SNRPA: variants seen among roughly 807,000 people sequenced by gnomAD.
SNRPA encodes small nuclear ribonucleoprotein polypeptide A, also known as U1 small nuclear ribonucleoprotein A.
A neutral mutation model predicts 24.5 loss-of-function variants in SNRPA; 10 were observed. The ratio of observed to expected loss-of-function variants is 0.41; its 90% CI spans 0.25 to 0.69. The LOEUF is 0.69. Among genes scored for constraint, SNRPA ranks in the 30% least tolerant of loss-of-function variants. The probability of loss-of-function intolerance (pLI) is 0.33; values close to 1 mark genes in which losing one functional copy is unlikely to be tolerated. For missense variants in SNRPA, 283 were observed against 394.7 expected, an observed-to-expected ratio of 0.72 and a Z score of 2.40; for synonymous variants, 165 against 148.4, an observed-to-expected ratio of 1.11 and a Z score of -0.81.
At chr19:40,758,656 C>T (rs2082918416) in intron 2 of SNRPA, 1 of 152,168 alleles carries the variant, frequency 6.6e-6, no homozygotes, top group Admixed American at 6.6e-5. Context: ...CCCCATTTTT[C>T]AGACAAGGAA....
intron 1 of SNRPA, among the ~76,000 whole-genome samples, chr19:40,754,168 A>G (rs1378921418): frequency 1.4e-5 from 2 of 142,320 alleles, no homozygotes; most frequent in African/African-American, 5.2e-5. Context: ...CAGTGGTGCG[A>G]TCTCAGCTCA....
chr19:40,751,457 CTCAATGAGAAGA>C lies in SNRPA; in HGVS notation c.54_65del (p.Asn18_Ile21del). ...TAACCACACTATTTATATCAACAAC[CTCAATGAGAAGA>C]TCAAGAAGGATGGTGAGTTCTCGGG... On this transcript the variant is annotated inframe_deletion, in exon 1 of 6. Coordinates refer to ENST00000243563, the MANE Select transcript of SNRPA (RefSeq NM_004596.5). The C allele has an allele frequency of 1.2e-6, 2 of 1,613,464 alleles. No individual in the cohort carries two copies.
intron 1 of SNRPA, among the ~76,000 whole-genome samples, chr19:40,754,409 G>C (rs1471198753): frequency 6.6e-6 from 1 of 152,072 alleles, no homozygotes; most frequent in African/African-American, 2.4e-5. Flanking sequence ...CAGAACCCTG[G>C]TTCTTTAGGA....
chr19:40,763,130 A>G, intron 4 of SNRPA, 56 bp downstream of exon 4: 34 of 1,374,256 alleles, frequency 2.5e-5, no homozygotes, highest in Non-Finnish European at 3.4e-5. Flanking sequence ...ATACAGGACT[A>G]GAAAGGGACC....
chr19:40,763,211 A>T, intron 4 of SNRPA, 137 bp downstream of exon 4: 1 of 654,638 alleles, frequency 1.5e-6, no homozygotes, highest in South Asian at 1.9e-5. Flanking sequence ...ATGAGGAAGT[A>T]GCAGTGGGGG....
chr19:40,756,815 TG>T (rs1385144383), intron 1 of SNRPA, among the ~76,000 whole-genome samples: 1 of 152,134 alleles, frequency 6.6e-6, no homozygotes, highest in Non-Finnish European at 1.5e-5. Flanking sequence ...CCTCTGAGAC[TG>T]GGTGACTAGA....
intron 1 of SNRPA, among the ~76,000 whole-genome samples, chr19:40,756,544 C>T (rs541711876): frequency 1.3e-5 from 2 of 149,264 alleles, no homozygotes; most frequent in South Asian, 4.2e-4. Flanking sequence ...TACGGTGAGC[C>T]ATGATCATGC....
intron 1 of SNRPA, chr19:40,756,955 T>G: frequency 4.1e-6 from 1 of 242,474 alleles, no homozygotes; most frequent in Non-Finnish European, 8.2e-6. Context: ...AGGAGGGCGG[T>G]GGAATGTGGG....
chr19:40,759,767 G>A (rs2082924026), intron 3 of SNRPA, 157 bp downstream of exon 3: 2 of 614,810 alleles, frequency 3.3e-6, no homozygotes, highest in African/African-American at 3.8e-5. Context: ...TCTTTTGGGG[G>A]GTATTGAGCA....
At chr19:40,755,510 G>A (rs540958765) in intron 1 of SNRPA, among the ~76,000 whole-genome samples, 14 of 152,170 alleles carry the variant, frequency 9.2e-5, no homozygotes, top group Middle Eastern at 3.4e-3. Flanking sequence ...AAGTAGCTAT[G>A]ACCACAAGGC....
Position 40,764,925 on chromosome 19 carries a change from G to A in SNRPA, c.690-83G>A, listed in dbSNP as rs1412720658. On this transcript the variant is annotated intron_variant, in intron 5 of 5. Transcript: ENST00000243563. ...TGCCCTGTGCATTGGAGGCTATTTG[G>A]CATCATTTCTGGCCTCTGTCCACTT... 7.3e-5 allele frequency: 98 copies of A among 1,336,272 alleles called. 1 individual carries two copies. Among genetic ancestry groups the A allele is most frequent in the Non-Finnish European group, 9.4e-5 (94 of 1,003,920 alleles). 82.8% of individuals were successfully genotyped at this position (1,336,272 alleles called of 1,614,324 possible).
intron 3 of SNRPA, among the ~76,000 whole-genome samples, chr19:40,761,668 T>C (rs1003357830): frequency 1.3e-5 from 2 of 151,866 alleles, no homozygotes; most frequent in African/African-American, 4.8e-5. Context: ...GGTTTCACCA[T>C]GTTGGCCAGG....
In SNRPA at chr19:40,763,011, G is replaced by C; in HGVS notation, c.537G>C (p.Gln179His). The part of the protein sequence containing the change: ...MIPPPGLAPG[Q>H]IPPGAMPPQQ... ...CCCCGCCAGGCCTTGCACCTGGCCA[G>C]ATCCCACCAGGGGCCATGCCCCCGC... The change falls in exon 4 of 6, where the codon CAG (glutamine) becomes CAC (histidine). Residue 179 changes from glutamine (Q) to histidine (H), a missense_variant. Gln to His is a conservative substitution (Grantham distance 24, BLOSUM62 0). Transcript: ENST00000243563. 3 of 1,610,956 alleles carry C rather than the reference G, an allele frequency of 1.9e-6. No individual in the cohort carries two copies. Among genetic ancestry groups the C allele is most frequent in the Non-Finnish European group, 2.5e-6 (3 of 1,178,520 alleles).
intron 3 of SNRPA, among the ~76,000 whole-genome samples, chr19:40,761,171 A>G (rs1370120268): frequency 4.6e-5 from 7 of 151,686 alleles, no homozygotes; most frequent in Admixed American, 4.6e-4. Context: ...GATGATATAC[A>G]GTTGGCAGAA....
At chr19:40,761,657 G>A (rs1275760024) in intron 3 of SNRPA, among the ~76,000 whole-genome samples, 1 of 151,280 alleles carries the variant, frequency 6.6e-6, no homozygotes, top group African/African-American at 2.4e-5. Context: ...AGTAGAGATG[G>A]GGTTTCACCA....
Position 40,762,897 on chromosome 19 carries a change from A to C in SNRPA, c.427-4A>C, listed in dbSNP as rs750308082. The C allele has an allele frequency of 6.2e-7, 1 of 1,612,390 alleles. No homozygotes were observed. The highest frequency in any genetic ancestry group is 8.5e-7 in the Non-Finnish European group (1 of 1,179,572). The stretch of plus-strand genomic sequence containing the variant: ...ACCACGCACTCTCCTCCCTCTCTCC[A>C]CAGGGCATGCCGCCGATGACTCAGG... On this transcript the variant is annotated splice_region_variant and splice_polypyrimidine_tract_variant and intron_variant, in intron 3 of 5. Transcript: ENST00000243563.
chr19:40,759,302 A>C, intron 2 of SNRPA, 129 bp from the exon 3 acceptor site: 1 of 815,612 alleles, frequency 1.2e-6, no homozygotes, highest in Non-Finnish European at 1.9e-6. Context: ...TGCTCGCTTT[A>C]GCCTCCCAAA....
intron 2 of SNRPA, chr19:40,758,733 G>GTTTGTTTTTTGTTT (rs567963999): frequency 6.6e-6 from 1 of 151,740 alleles, no homozygotes; most frequent in African/African-American, 2.4e-5. Flanking sequence ...TTTTTTGTTT[G>GTTTGTTTTTTGTTT]TTTGTTTTTT....
chr19:40,754,787 C>A (rs1339489490), intron 1 of SNRPA, among the ~76,000 whole-genome samples: 1 of 152,052 alleles, frequency 6.6e-6, no homozygotes, highest in East Asian at 1.9e-4. Context: ...GCTTCCCTGT[C>A]CTGGCTGCCT....
Sources: allele counts gnomAD v4.1 joint callset (sites outside exome capture counted in the v4.1 genomes callset), GRCh38; gene constraint gnomAD v4.1.1; transcripts MANE v1.5; gene names NCBI Gene and HGNC (gene_info 2026-07-23, HGNC 2026-07-21).